Variants in PLPPR1 observed in about 807,000 individuals in gnomAD.
The protein encoded by PLPPR1 is phospholipid phosphatase-related protein type 1.
PLPPR1 carries 10 observed loss-of-function variants against 33.1 expected under a neutral mutation model. The ratio of observed to expected loss-of-function variants is 0.30; its 90% CI spans 0.19 to 0.51. PLPPR1 has a LOEUF of 0.51. Among genes scored for constraint, PLPPR1 ranks in the 20% least tolerant of loss-of-function variants. PLPPR1 has a pLI of 0.97. For missense variants in PLPPR1, 304 were observed against 408.1 expected, an observed-to-expected ratio of 0.74 and a Z score of 2.20; for synonymous variants, 151 against 151.0, an observed-to-expected ratio of 1.00 and a Z score of 0.00.
In PLPPR1 at chr9:101,121,452, C is replaced by T. The variant is rs774933964; in HGVS notation, c.-45-63998C>T. ...TCTCTGAATAGCTGTCTTTTCAACG[C>T]ACCAGGCCACCTTTTATGAAGAAAT... On this transcript the variant is annotated intron_variant, in intron 1 of 7. Transcript: ENST00000374874. Among the ~76,000 whole-genome samples the T allele has an allele frequency of 2.8e-4, 43 of 152,316 alleles. No homozygotes were observed. In the Middle Eastern group the frequency reaches 0.01, roughly 36 times the overall value.
At chr9:101,242,868 C>A (rs10989452) in intron 2 of PLPPR1, among the ~76,000 whole-genome samples, 99 of 152,092 alleles carry the variant, frequency 6.5e-4, no homozygotes, top group African/African-American at 2.3e-3. Flanking sequence ...TAATGGTGAG[C>A]ATTGTCATGC....
At chr9:101,177,618 C>G (rs1200546245) in intron 1 of PLPPR1, among the ~76,000 whole-genome samples, 6 of 152,136 alleles carry the variant, frequency 3.9e-5, no homozygotes, top group Admixed American at 1.3e-4. Flanking sequence ...TATGGCCAAC[C>G]TTTGATGCTA....
Position 101,123,853 on chromosome 9 carries a change from C to G in PLPPR1, c.-45-61597C>G, listed in dbSNP as rs114532245. ...TATGCCCTGGGCTTAGATTATAGTG[C>G]GTCAGGGTAGCCTTCCACCTTTAGC... is the stretch of plus-strand genomic sequence containing the variant. On this transcript the variant is annotated intron_variant, in intron 1 of 7. Transcript: ENST00000374874. Among the ~76,000 whole-genome samples, 713 of 152,190 alleles carry G rather than the reference C, an allele frequency of 4.7e-3. 10 individuals are homozygous for G. The highest frequency in any genetic ancestry group is 0.016 in the African/African-American group (680 of 41,532).
At chr9:101,095,443 T>C (rs1830805351) in intron 1 of PLPPR1, among the ~76,000 whole-genome samples, 1 of 152,208 alleles carries the variant, frequency 6.6e-6, no homozygotes, top group African/African-American at 2.4e-5. Flanking sequence ...CCTGTATAAA[T>C]GGAGCTTGGC....
intron 1 of PLPPR1, among the ~76,000 whole-genome samples, chr9:101,150,907 T>A (rs963261819): frequency 2.0e-5 from 3 of 152,084 alleles, no homozygotes; most frequent in Non-Finnish European, 2.9e-5. Flanking sequence ...CTCGGTGCAG[T>A]CTGCTTTCTA....
intron 6 of PLPPR1, among the ~76,000 whole-genome samples, chr9:101,314,020 G>C (rs1829009115): frequency 6.6e-6 from 1 of 152,074 alleles, no homozygotes; most frequent in Non-Finnish European, 1.5e-5. Context: ...TCCATTGCAT[G>C]GTCACACCTC....
chr9:101,207,813 G>A (rs942906214), intron 2 of PLPPR1, among the ~76,000 whole-genome samples: 2 of 152,120 alleles, frequency 1.3e-5, no homozygotes, highest in Admixed American at 6.5e-5. Context: ...GGGGACTAGA[G>A]GACAGAATAT....
rs1030587053 is a variant in PLPPR1, at chr9:101,100,108, A to AT, written c.-46+71014dup. Among the ~76,000 whole-genome samples the AT allele has an allele frequency of 2.5e-4, 38 of 152,006 alleles. No individual in the cohort carries two copies. In the East Asian group the frequency reaches 3.1e-3, roughly 12 times the overall value. ...CCTTTACAAGAATCACATTTTAGGCATTTTTTTTCTTACGTGCAATATTCT... is the reference window on the plus strand; with the variant it reads ...CCTTTACAAGAATCACATTTTAGGCATTTTTTTTTCTTACGTGCAATATTCT... On this transcript the variant is annotated intron_variant, in intron 1 of 7. Coordinates refer to ENST00000374874, the MANE Select transcript of PLPPR1 (RefSeq NM_207299.2).
intron 2 of PLPPR1, among the ~76,000 whole-genome samples, chr9:101,249,403 G>T (rs1185017585): frequency 1.3e-5 from 2 of 152,010 alleles, no homozygotes; most frequent in South Asian, 2.1e-4. Flanking sequence ...GTTATCAGGG[G>T]TGGCCCAATT....
chr9:101,273,995 G>T (rs1828143806), intron 3 of PLPPR1, among the ~76,000 whole-genome samples: 1 of 152,238 alleles, frequency 6.6e-6, no homozygotes, highest in African/African-American at 2.4e-5. Flanking sequence ...TCTTCTCCAG[G>T]CTACAGCTTT....
intron 6 of PLPPR1, 143 bp from the exon 7 acceptor site, chr9:101,317,222 T>C (rs1829071183): frequency 4.8e-6 from 4 of 830,830 alleles, no homozygotes; most frequent in Admixed American, 2.5e-5. Context: ...TCCACAGCAC[T>C]TCCCATAGTC....
At chr9:101,140,717 T>C (rs764225663) in intron 1 of PLPPR1, among the ~76,000 whole-genome samples, 6 of 152,166 alleles carry the variant, frequency 3.9e-5, no homozygotes, top group Non-Finnish European at 7.4e-5. Context: ...AATAACCAAT[T>C]ACTTACAATG....
At chr9:101,289,551 G>T (rs550795608) in intron 4 of PLPPR1, among the ~76,000 whole-genome samples, 47 of 152,350 alleles carry the variant, frequency 3.1e-4, no homozygotes, top group African/African-American at 1.1e-3. Flanking sequence ...AGAGGGACCT[G>T]GTAGGAGATA....
At chr9:101,245,964 G>T (rs1827589570) in intron 2 of PLPPR1, among the ~76,000 whole-genome samples, 1 of 150,568 alleles carries the variant, frequency 6.6e-6, no homozygotes. Context: ...AAATAAGGTT[G>T]TATTTGGTTA....
At chr9:101,200,113 A>G (rs2118745728) in intron 2 of PLPPR1, among the ~76,000 whole-genome samples, 1 of 152,262 alleles carries the variant, frequency 6.6e-6, no homozygotes, top group Non-Finnish European at 1.5e-5. Flanking sequence ...GGCAACAAAT[A>G]GACTATAATT....
chr9:101,172,544 C>T (rs960663748), intron 1 of PLPPR1, among the ~76,000 whole-genome samples: 1 of 151,994 alleles, frequency 6.6e-6, no homozygotes, highest in African/African-American at 2.4e-5. Flanking sequence ...TGTGTAAACC[C>T]CTATGATTAC....
intron 1 of PLPPR1, among the ~76,000 whole-genome samples, chr9:101,160,318 T>C (rs1831756288): frequency 6.6e-6 from 1 of 152,186 alleles, no homozygotes; most frequent in Non-Finnish European, 1.5e-5. Flanking sequence ...TAAAATGAGA[T>C]GGTAATCTCC....
At chr9:101,100,373 G>A (rs1459885388) in intron 1 of PLPPR1, among the ~76,000 whole-genome samples, 2 of 151,888 alleles carry the variant, frequency 1.3e-5, no homozygotes, top group African/African-American at 4.8e-5. Flanking sequence ...ACCTGGGAAA[G>A]GAATAAGAAT....
intron 1 of PLPPR1, among the ~76,000 whole-genome samples, chr9:101,063,280 C>G (rs1431203919): frequency 6.6e-6 from 1 of 151,908 alleles, no homozygotes; most frequent in Admixed American, 6.6e-5. Flanking sequence ...TGGGGGCTGC[C>G]CCATGCAGTC....
Sources: allele counts gnomAD v4.1 joint callset (sites outside exome capture counted in the v4.1 genomes callset), GRCh38; gene constraint gnomAD v4.1.1; transcripts MANE v1.5; gene names NCBI Gene and HGNC (gene_info 2026-07-23, HGNC 2026-07-21).